RASEF: variants seen among roughly 807,000 people sequenced by gnomAD.
The protein encoded by RASEF is RAS and EF-hand domain containing.
In RASEF, 68 loss-of-function variants were observed where a neutral mutation model predicts 90.1. That is an observed-to-expected ratio of 0.75 (90% CI 0.62 to 0.92). The LOEUF is 0.92. Ranked by LOEUF, RASEF falls within the 40% of genes least tolerant of loss-of-function variation. The pLI, the probability that RASEF is intolerant of heterozygous loss-of-function variation, is 0.00. For missense variants in RASEF, 949 were observed against 937.2 expected (o/e 1.01, Z -0.16); for synonymous variants, 331 against 345.2 (o/e 0.96, Z 0.46).
chr9:83,162,014 T>G, the RASEF span, among the ~76,000 whole-genome samples: 1 of 152,252 alleles, frequency 6.6e-6, no homozygotes, highest in Non-Finnish European at 1.5e-5. Flanking sequence ...CAGGTATGTC[T>G]TTATCAACAG....
the RASEF span, among the ~76,000 whole-genome samples, chr9:83,119,729 G>C: frequency 1.3e-5 from 2 of 152,178 alleles, no homozygotes; most frequent in Admixed American, 6.5e-5. Context: ...TGCTATGGGA[G>C]GGACCCAGTG....
intron 15 of RASEF, among the ~76,000 whole-genome samples, chr9:82,992,178 G>A (rs963778337): frequency 1.4e-5 from 2 of 140,006 alleles, no homozygotes; most frequent in African/African-American, 5.6e-5. Flanking sequence ...TGGTGCTGAC[G>A]ACAGACAACA....
At chr9:83,080,631 C>G in the RASEF span, among the ~76,000 whole-genome samples, 1 of 152,068 alleles carries the variant, frequency 6.6e-6, no homozygotes, top group Non-Finnish European at 1.5e-5. Flanking sequence ...CTATGCCTCT[C>G]AATGTTAAAA....
chr9:83,114,974 T>C, the RASEF span, among the ~76,000 whole-genome samples: 3 of 152,234 alleles, frequency 2.0e-5, no homozygotes, highest in African/African-American at 7.2e-5. Context: ...CTTTTGAAAA[T>C]CACTAATAAA....
At chr9:83,043,100 G>A (rs1221259893) in intron 1 of RASEF, among the ~76,000 whole-genome samples, 1 of 152,218 alleles carries the variant, frequency 6.6e-6, no homozygotes. Context: ...CCAATGTGTT[G>A]CCCATGTCCA....
intron 3 of RASEF, among the ~76,000 whole-genome samples, chr9:83,021,662 T>C (rs1011043324): frequency 1.3e-5 from 2 of 152,172 alleles, no homozygotes; most frequent in Non-Finnish European, 2.9e-5. Flanking sequence ...AAAAATACAG[T>C]GTAACAGCTC....
At chr9:83,179,163 T>A in the RASEF span, among the ~76,000 whole-genome samples, 2,089 of 152,254 alleles carry the variant, frequency 0.014, 23 homozygotes, top group Non-Finnish European at 0.019. Flanking sequence ...ATTTGAAAAA[T>A]CAGTGTCAGT....
chr9:83,025,626 C>T, intron 2 of RASEF, 149 bp downstream of exon 2: 1 of 622,156 alleles, frequency 1.6e-6, no homozygotes, highest in East Asian at 3.0e-5. Context: ...TTCTCCATTG[C>T]TGGCTTAATT....
the RASEF span, among the ~76,000 whole-genome samples, chr9:83,195,738 G>T: frequency 1.3e-5 from 2 of 151,934 alleles, no homozygotes; most frequent in African/African-American, 4.8e-5. Flanking sequence ...GAGAGTGCCT[G>T]GGAGGACAGA....
chr9:82,996,723 T>G (rs1158620322), intron 14 of RASEF, among the ~76,000 whole-genome samples: 1 of 152,196 alleles, frequency 6.6e-6, no homozygotes, highest in Non-Finnish European at 1.5e-5. Flanking sequence ...CTAGGCTACC[T>G]GGATTTTTAC....
At chr9:83,075,321 T>C in the RASEF span, among the ~76,000 whole-genome samples, 2 of 152,202 alleles carry the variant, frequency 1.3e-5, no homozygotes, top group Non-Finnish European at 2.9e-5. Context: ...TTTCTTAATA[T>C]AATTTTGAAT....
At chr9:83,037,926 T>C (rs1183369368) in intron 1 of RASEF, among the ~76,000 whole-genome samples, 1 of 152,068 alleles carries the variant, frequency 6.6e-6, no homozygotes, top group Non-Finnish European at 1.5e-5. Context: ...AGGAAGACAC[T>C]AAGGAATTAA....
At position 82,984,947 on chromosome 9, in the gene RASEF, C is replaced by T. The variant is rs762419918; in HGVS notation, c.2118-2165G>A. ...GCCCACAGATGTGTTGTGGGCTTCA[C>T]GGAAATGGGGCTTCATAGAGACTTT... On this transcript the variant is annotated intron_variant, in intron 16 of 16. Coordinates refer to ENST00000376447, the MANE Select transcript of RASEF (RefSeq NM_152573.4). Among the ~76,000 whole-genome samples, 7 of 152,154 alleles carry T rather than the reference C, an allele frequency of 4.6e-5. No homozygotes were observed. In the East Asian group the frequency reaches 7.7e-4, roughly 17 times the overall value.
chr9:83,036,923 T>C (rs1400530664), intron 1 of RASEF, among the ~76,000 whole-genome samples: 2 of 152,102 alleles, frequency 1.3e-5, no homozygotes, highest in Admixed American at 6.5e-5. Flanking sequence ...TTCTCAGTAT[T>C]ATCCTCCACC....
the RASEF span, among the ~76,000 whole-genome samples, chr9:83,146,057 T>G: frequency 6.6e-6 from 1 of 151,484 alleles, no homozygotes; most frequent in African/African-American, 2.4e-5. Context: ...ACAAATGAAG[T>G]GCTAAAGAAG....
intron 14 of RASEF, among the ~76,000 whole-genome samples, chr9:82,994,407 C>T (rs937409146): frequency 6.6e-5 from 10 of 152,172 alleles, no homozygotes; most frequent in African/African-American, 2.4e-4. Flanking sequence ...TATGTCCTTC[C>T]CAGTGAGGCT....
At chr9:83,141,502 C>G in the RASEF span, among the ~76,000 whole-genome samples, 1 of 152,152 alleles carries the variant, frequency 6.6e-6, no homozygotes, top group Non-Finnish European at 1.5e-5. Flanking sequence ...CTGCAAAGCC[C>G]CTTCCCGAAA....
chr9:83,120,791 C>A, the RASEF span, among the ~76,000 whole-genome samples: 1 of 152,138 alleles, frequency 6.6e-6, no homozygotes, highest in South Asian at 2.1e-4. Context: ...GCCAGGATGA[C>A]CTCATTCTTT....
At chr9:83,141,409 T>C in the RASEF span, among the ~76,000 whole-genome samples, 1 of 151,892 alleles carries the variant, frequency 6.6e-6, no homozygotes, top group Non-Finnish European at 1.5e-5. Context: ...TTGACATCCT[T>C]GAGAAAAAAG....
Sources: gnomAD v4.1 joint callset for allele counts (sites outside exome capture counted in the v4.1 genomes callset) on GRCh38, gnomAD v4.1.1 for gene constraint, MANE v1.5 for transcripts, NCBI Gene and HGNC (gene_info 2026-07-23, HGNC 2026-07-21) for gene names.